IPCEF1: variants seen among roughly 807,000 people sequenced by gnomAD.
IPCEF1 encodes interaction protein for cytohesin exchange factors 1, also known as interactor protein for cytohesin exchange factors 1.
In IPCEF1, 31 loss-of-function variants were observed where a neutral mutation model predicts 50.9. That is an observed-to-expected ratio of 0.61 (90% CI 0.46 to 0.82). The LOEUF (loss-of-function observed/expected upper bound fraction) is 0.82, where lower values mean the gene tolerates loss of function less well. Ranked by LOEUF, IPCEF1 falls within the 40% of genes least tolerant of loss-of-function variation. IPCEF1 has a pLI of 0.00. For synonymous variants in IPCEF1, 181 were observed against 192.0 expected, an observed-to-expected ratio of 0.94 and a Z score of 0.47; for missense variants, 458 against 514.0, an observed-to-expected ratio of 0.89 and a Z score of 1.05.
intron 1 of IPCEF1, among the ~76,000 whole-genome samples, chr6:154,348,088 G>A (rs1784065844): frequency 6.6e-6 from 1 of 152,092 alleles, no homozygotes; most frequent in African/African-American, 2.4e-5. Context: ...TCCCCGTGCT[G>A]GCTTCTCAGC....
intron 1 of IPCEF1, among the ~76,000 whole-genome samples, chr6:154,306,118 C>T (rs1782925680): frequency 6.6e-6 from 1 of 152,172 alleles, no homozygotes; most frequent in African/African-American, 2.4e-5. Flanking sequence ...CATCCAGCTT[C>T]CTTCTCCTGC....
At chr6:154,205,403 T>C (rs1287302619) in intron 9 of IPCEF1, among the ~76,000 whole-genome samples, 1 of 152,166 alleles carries the variant, frequency 6.6e-6, no homozygotes, top group Non-Finnish European at 1.5e-5. Flanking sequence ...AAGACCAGCC[T>C]GGTCAATATG....
chr6:154,299,862 A>G lies in IPCEF1; in HGVS notation c.-61-10106T>C, dbSNP rs1388829238. On this transcript the variant is annotated intron_variant, in intron 1 of 11. Transcript: ENST00000367220. Reference sequence around the variant, plus strand: ...ACCATAAAATGTTTAAAAAAAGAAAAGAAAAAAGAAAGTAGTCTATGACTT... The same window carrying G: ...ACCATAAAATGTTTAAAAAAAGAAAGGAAAAAAGAAAGTAGTCTATGACTT... Among the ~76,000 whole-genome samples, 2 of 141,244 alleles carry G rather than the reference A, an allele frequency of 1.4e-5. 1 individual carries two copies. The highest frequency in any genetic ancestry group is 3.2e-5 in the Non-Finnish European group (2 of 62,978). 92.7% of individuals were successfully genotyped at this position (141,244 alleles called of 152,430 possible). A position where few individuals can be genotyped will look rare whatever the true frequency, so the allele number is the denominator to read the frequency against.
chr6:154,178,906 A>C (rs1257736381), intron 10 of IPCEF1, among the ~76,000 whole-genome samples: 1 of 152,190 alleles, frequency 6.6e-6, no homozygotes, highest in Admixed American at 6.5e-5. Context: ...ATCATCCACA[A>C]GCATAAAACA....
chr6:154,252,445 G>C (rs906230150), intron 3 of IPCEF1, among the ~76,000 whole-genome samples: 3 of 152,164 alleles, frequency 2.0e-5, no homozygotes, highest in African/African-American at 7.2e-5. Context: ...GGGAGGCCAG[G>C]GTGGGCGGAT....
chr6:154,175,198 T>G (rs1350704942), intron 10 of IPCEF1, among the ~76,000 whole-genome samples: 1 of 152,180 alleles, frequency 6.6e-6, no homozygotes, highest in Non-Finnish European at 1.5e-5. Context: ...TTTACAGCAC[T>G]AAATGCCCAC....
intron 1 of IPCEF1, among the ~76,000 whole-genome samples, chr6:154,297,099 A>T (rs1257227655): frequency 6.6e-6 from 1 of 151,446 alleles, no homozygotes; most frequent in African/African-American, 2.4e-5. Context: ...CCAGCCTGGC[A>T]TGATCATGGC....
intron 2 of IPCEF1, 44 bp from the exon 3 acceptor site, chr6:154,266,008 G>T: frequency 8.7e-7 from 1 of 1,152,124 alleles, no homozygotes; most frequent in Non-Finnish European, 1.3e-6. Flanking sequence ...AGATTAAAGT[G>T]TTCATAAAAA....
chr6:154,213,500 C>T (rs997168013), intron 8 of IPCEF1, among the ~76,000 whole-genome samples: 7 of 152,124 alleles, frequency 4.6e-5, no homozygotes, highest in African/African-American at 1.4e-4. Context: ...TGCACGGTAC[C>T]CCTTTACTGT....
chr6:154,219,196 G>A (rs1488792930), intron 7 of IPCEF1: 1 of 151,880 alleles, frequency 6.6e-6, no homozygotes, highest in Non-Finnish European at 1.5e-5. Context: ...ACATGGAAGG[G>A]TCTCACACTT....
At chr6:154,295,909 A>G (rs867317139) in intron 1 of IPCEF1, among the ~76,000 whole-genome samples, 304 of 21,408 alleles carry the variant, frequency 0.014, 2 homozygotes, top group African/African-American at 0.068. Context: ...ACACACACAC[A>G]CGCACACACA....
At chr6:154,257,571 T>A (rs748381034) in intron 3 of IPCEF1, among the ~76,000 whole-genome samples, 121 of 152,310 alleles carry the variant, frequency 7.9e-4, no homozygotes, top group Non-Finnish European at 1.2e-3. Context: ...TGAACGGAAA[T>A]CAGTTAATTC....
intron 2 of IPCEF1, among the ~76,000 whole-genome samples, chr6:154,287,162 TCTCTC>T (rs1349139626): frequency 5.5e-5 from 1 of 18,220 alleles, no homozygotes. Flanking sequence ...CTTCTCTCCC[TCTCTC>T]TCTCTCTCTC....
In IPCEF1 at chr6:154,300,786, A is replaced by C. The variant is rs555813143; in HGVS notation, c.-61-11030T>G. ...CCCCTTAGCAAATTACTCTTGGATG[A>C]AATTGGCAGCACTCTACTTCTTTAG... is the stretch of plus-strand genomic sequence containing the variant. On this transcript the variant is annotated intron_variant, in intron 1 of 11. Transcript: ENST00000367220. 3.3e-5 allele frequency among the ~76,000 whole-genome samples: 5 copies of C among 152,356 alleles called. No individual in the cohort carries two copies. In the East Asian group the frequency reaches 9.6e-4, roughly 29 times the overall value.
chr6:154,276,283 GAAAAAAAAAGAA>G (rs1326910813), intron 2 of IPCEF1, among the ~76,000 whole-genome samples: 1 of 132,592 alleles, frequency 7.5e-6, no homozygotes, highest in Non-Finnish European at 1.8e-5. Flanking sequence ...AAAAAGAAAA[GAAAAAAAAAGAA>G]AAGAAAAGAG....
chr6:154,182,576 T>C (rs957310800), intron 10 of IPCEF1, among the ~76,000 whole-genome samples: 3 of 152,226 alleles, frequency 2.0e-5, no homozygotes, highest in Non-Finnish European at 4.4e-5. Flanking sequence ...TGTTTCCTCA[T>C]ATGCTAAGAA....
chr6:154,273,074 T>C (rs192790757), intron 2 of IPCEF1, among the ~76,000 whole-genome samples: 27 of 152,324 alleles, frequency 1.8e-4, no homozygotes, highest in African/African-American at 6.3e-4. Flanking sequence ...TGAAATAACA[T>C]AGGAGCTAGG....
At chr6:154,304,452 C>T (rs912394896) in intron 1 of IPCEF1, among the ~76,000 whole-genome samples, 7 of 151,954 alleles carry the variant, frequency 4.6e-5, no homozygotes, top group African/African-American at 1.7e-4. Context: ...TGAATTATTA[C>T]AGGAAGGGTT....
At chr6:154,338,746 A>G (rs1280590936) in intron 1 of IPCEF1, among the ~76,000 whole-genome samples, 1 of 151,966 alleles carries the variant, frequency 6.6e-6, no homozygotes, top group African/African-American at 2.4e-5. Flanking sequence ...CATGATGAAA[A>G]CTTGTCTCCA....
Sources: gnomAD v4.1 joint callset for allele counts (sites outside exome capture counted in the v4.1 genomes callset) on GRCh38, gnomAD v4.1.1 for gene constraint, MANE v1.5 for transcripts, NCBI Gene and HGNC (gene_info 2026-07-23, HGNC 2026-07-21) for gene names.